The following NCAM1 variants were observed in gnomAD, a reference collection of about 807,000 sequenced individuals.
The protein encoded by NCAM1 is antigen recognized by monoclonal antibody 5.1H11.
A neutral mutation model predicts 109.8 loss-of-function variants in NCAM1; 14 were observed. That is an observed-to-expected ratio of 0.13 (90% CI 0.08 to 0.20). NCAM1 has a LOEUF of 0.20. NCAM1 is among the 10% of genes least tolerant of loss of function. NCAM1 has a pLI of 1.00. For synonymous variants in NCAM1, 418 were observed against 442.9 expected, an observed-to-expected ratio of 0.94 and a Z score of 0.70; for missense variants, 774 against 1,109.9, an observed-to-expected ratio of 0.70 and a Z score of 4.30.
At chr11:113,249,421 C>CCTGTGGGCAGGGACTGTGGGCAGGGA (rs535162256) in intron 15 of NCAM1, among the ~76,000 whole-genome samples, 1 of 152,072 alleles carries the variant, frequency 6.6e-6, no homozygotes, top group African/African-American at 2.4e-5. Context: ...CAGCCCGAAT[C>CCTGTGGGCAGGGACTGTGGGCAGGGA]CTGTGGGCAG....
In NCAM1 at chr11:113,250,679, A is replaced by G. The variant is rs562532562; in HGVS notation, c.1828+4309A>G. Among the ~76,000 whole-genome samples, 15 of 152,356 alleles carry G rather than the reference A, an allele frequency of 9.8e-5. No homozygotes were observed. In the South Asian group the frequency reaches 2.9e-3, roughly 29 times the overall value. On this transcript the variant is annotated intron_variant, in intron 15 of 19. Transcript: ENST00000316851. ...TCTTATTTGATAGGAAAAGTAAAAG[A>G]TTGTAATGCAAGCCCCACATTTATC...
intron 16 of NCAM1, among the ~76,000 whole-genome samples, chr11:113,257,314 A>G (rs944586260): frequency 6.6e-6 from 1 of 152,232 alleles, no homozygotes; most frequent in African/African-American, 2.4e-5. Context: ...CCAGACAGAC[A>G]TGGCATCCAA....
At chr11:113,219,745 T>C (rs1944631281) in intron 8 of NCAM1, among the ~76,000 whole-genome samples, 1 of 152,204 alleles carries the variant, frequency 6.6e-6, no homozygotes. Flanking sequence ...TGAAAAAACA[T>C]ACAACTCAAT....
intron 1 of NCAM1, among the ~76,000 whole-genome samples, chr11:113,010,856 A>G (rs1425717046): frequency 6.6e-6 from 1 of 152,220 alleles, no homozygotes; most frequent in Admixed American, 6.5e-5. Flanking sequence ...AACACTTAAG[A>G]CAGTAGCTAT....
At chr11:113,243,453 C>T (rs541302724) in intron 14 of NCAM1, 16 of 413,138 alleles carry the variant, frequency 3.9e-5, no homozygotes, top group South Asian at 2.9e-4. Context: ...AAAGCCTAAT[C>T]CAGGCTCCCC....
At chr11:113,235,238 G>T (rs1945130483) in intron 14 of NCAM1, 74 bp downstream of exon 14, 1 of 1,611,398 alleles carries the variant, frequency 6.2e-7, no homozygotes. Flanking sequence ...ACCCTGAGCT[G>T]GCCCATGTCA....
At chr11:113,190,522 T>G (rs782530988) in intron 1 of NCAM1, among the ~76,000 whole-genome samples, 13 of 152,160 alleles carry the variant, frequency 8.5e-5, no homozygotes, top group Non-Finnish European at 1.2e-4. Flanking sequence ...CAGCCCTAGG[T>G]TGGGCTACTC....
At chr11:113,128,807 G>A (rs1941278099) in intron 1 of NCAM1, among the ~76,000 whole-genome samples, 1 of 152,062 alleles carries the variant, frequency 6.6e-6, no homozygotes, top group Admixed American at 6.6e-5. Flanking sequence ...GTGGGCATGG[G>A]CGTGGGGGTA....
intron 1 of NCAM1, among the ~76,000 whole-genome samples, chr11:113,122,538 C>G (rs1359173300): frequency 6.6e-6 from 1 of 152,164 alleles, no homozygotes; most frequent in Non-Finnish European, 1.5e-5. Context: ...AATCCCAGCA[C>G]TTTGGGAGGC....
At chr11:113,103,665 C>T (rs573204612) in intron 1 of NCAM1, among the ~76,000 whole-genome samples, 1 of 152,190 alleles carries the variant, frequency 6.6e-6, no homozygotes, top group Admixed American at 6.5e-5. Flanking sequence ...GATGAAATGT[C>T]CACTTAGGAT....
At chr11:112,983,924 T>C (rs567046039) in intron 1 of NCAM1, among the ~76,000 whole-genome samples, 5 of 152,088 alleles carry the variant, frequency 3.3e-5, no homozygotes, top group Admixed American at 2.6e-4. Context: ...TCTTAAAGTC[T>C]ACTGTCTTAG....
Position 113,153,385 on chromosome 11 carries a change from T to G in NCAM1, c.53-48994T>G, listed in dbSNP as rs180835282. On this transcript the variant is annotated intron_variant, in intron 1 of 19. Transcript: ENST00000316851. ...GGAAAGGATAGTTAGAGGAGATATT[T>G]AGAGAGAATTGACAGAAAGTTGTTA... Among the ~76,000 whole-genome samples, 37 of 151,818 alleles carry G rather than the reference T, an allele frequency of 2.4e-4. No homozygotes were observed. The South Asian group carries it at 5.4e-3, about 22-fold the overall frequency.
chr11:113,066,898 G>A (rs1041601861), intron 1 of NCAM1, among the ~76,000 whole-genome samples: 5 of 151,620 alleles, frequency 3.3e-5, no homozygotes, highest in African/African-American at 4.9e-5. Context: ...CAGTTGCTCC[G>A]GAGGCTGAGG....
intron 1 of NCAM1, among the ~76,000 whole-genome samples, chr11:113,057,644 AATTTGTTAGTG>A (rs540053905): frequency 6.6e-6 from 1 of 152,184 alleles, no homozygotes; most frequent in Non-Finnish European, 1.5e-5. Flanking sequence ...GAAATCTAGT[AATTTGTTAGTG>A]ATTATGCTTT....
intron 1 of NCAM1, among the ~76,000 whole-genome samples, chr11:113,120,771 C>T (rs1427055212): frequency 2.0e-5 from 3 of 152,128 alleles, no homozygotes; most frequent in Non-Finnish European, 2.9e-5. Context: ...ATACAAAATA[C>T]GAAAACTCGA....
At chr11:113,210,775 A>AAC (rs35387760) in intron 7 of NCAM1, among the ~76,000 whole-genome samples, 24,443 of 130,674 alleles carry the variant, frequency 0.19, 2,290 homozygotes, top group Non-Finnish European at 0.22. Context: ...CTTCATCACA[A>AAC]ACACACACAC....
intron 14 of NCAM1, chr11:113,240,942 T>A: frequency 8.3e-7 from 1 of 1,199,592 alleles, no homozygotes; most frequent in Non-Finnish European, 1.2e-6. Flanking sequence ...ACTCAGTTGG[T>A]GGAAAGCAGC....
intron 1 of NCAM1, among the ~76,000 whole-genome samples, chr11:113,157,448 T>A (rs782013221): frequency 4.6e-5 from 7 of 152,214 alleles, no homozygotes; most frequent in Non-Finnish European, 8.8e-5. Flanking sequence ...GTCCTCTTTT[T>A]TCCTACTTTC....
chr11:113,169,452 A>G (rs1454820109), intron 1 of NCAM1, among the ~76,000 whole-genome samples: 1 of 152,188 alleles, frequency 6.6e-6, no homozygotes, highest in African/African-American at 2.4e-5. Context: ...AATATAGTTC[A>G]AGCTGTACCT....
Sources: allele counts gnomAD v4.1 joint callset (sites outside exome capture counted in the v4.1 genomes callset), GRCh38; gene constraint gnomAD v4.1.1; transcripts MANE v1.5; gene names NCBI Gene and HGNC (gene_info 2026-07-23, HGNC 2026-07-21).